EFCAB6: variants seen among roughly 807,000 people sequenced by gnomAD.
EFCAB6 encodes EF-hand calcium binding domain 6, also known as EF-hand calcium-binding domain-containing protein 6.
In EFCAB6, 156 loss-of-function variants were observed where a neutral mutation model predicts 169.8. That is an observed-to-expected ratio of 0.92 (90% confidence interval 0.81 to 1.05). EFCAB6 has a LOEUF of 1.05. EFCAB6 is among the 50% of genes least tolerant of loss of function. The pLI is 0.00. For missense variants in EFCAB6, 1,800 were observed against 1,829.1 expected (o/e 0.98, Z 0.29); for synonymous variants, 698 against 676.4 (o/e 1.03, Z -0.50).
intron 6 of EFCAB6, among the ~76,000 whole-genome samples, chr22:43,752,363 C>T (rs2060802027): frequency 6.6e-6 from 1 of 152,176 alleles, no homozygotes; most frequent in South Asian, 2.1e-4. Context: ...GGTGATTCGC[C>T]TGCCTCGGCC....
intron 8 of EFCAB6, among the ~76,000 whole-genome samples, chr22:43,718,927 A>G (rs1262809344): frequency 6.6e-6 from 1 of 152,238 alleles, no homozygotes; most frequent in Non-Finnish European, 1.5e-5. Context: ...GCTGTGTCAC[A>G]GAAGCGGGAC....
intron 17 of EFCAB6, among the ~76,000 whole-genome samples, chr22:43,644,533 G>A (rs968867711): frequency 5.9e-5 from 9 of 152,146 alleles, no homozygotes; most frequent in East Asian, 1.9e-4. Context: ...GATCCATAGC[G>A]GATGGGACTG....
At chr22:43,531,259 A>G (rs1261709509) in intron 30 of EFCAB6, among the ~76,000 whole-genome samples, 4 of 152,220 alleles carry the variant, frequency 2.6e-5, no homozygotes, top group Admixed American at 6.5e-5. Flanking sequence ...TTCACAGATT[A>G]GGAAGTGGAG....
intron 12 of EFCAB6, among the ~76,000 whole-genome samples, chr22:43,681,050 G>A (rs2057987543): frequency 6.6e-6 from 1 of 152,210 alleles, no homozygotes; most frequent in East Asian, 1.9e-4. Context: ...GATCTTAGGA[G>A]GAAGGAGTTC....
intron 6 of EFCAB6, 147 bp from the exon 7 acceptor site, chr22:43,736,140 T>C (rs1194045679): frequency 5.3e-6 from 4 of 757,974 alleles, no homozygotes; most frequent in African/African-American, 1.8e-5. Context: ...AAAAATGACA[T>C]GTCTACGGAA....
intron 26 of EFCAB6, among the ~76,000 whole-genome samples, chr22:43,571,771 C>T (rs2049888958): frequency 6.6e-6 from 1 of 152,240 alleles, no homozygotes; most frequent in African/African-American, 2.4e-5. Context: ...CTCTCACCTA[C>T]TCTGTCATTT....
chr22:43,618,400 G>C (rs1328358976), intron 20 of EFCAB6, among the ~76,000 whole-genome samples: 1 of 152,104 alleles, frequency 6.6e-6, no homozygotes, highest in Non-Finnish European at 1.5e-5. Flanking sequence ...TGAGGGTCTT[G>C]AGAGGTGCTT....
intron 8 of EFCAB6, among the ~76,000 whole-genome samples, chr22:43,722,684 A>G (rs192681469): frequency 3.3e-5 from 5 of 152,342 alleles, no homozygotes; most frequent in Non-Finnish European, 1.5e-5. Flanking sequence ...CTACTATTCA[A>G]CGCAGCAATC....
intron 17 of EFCAB6, among the ~76,000 whole-genome samples, chr22:43,658,658 G>C (rs990086603): frequency 1.3e-5 from 2 of 152,182 alleles, no homozygotes; most frequent in Non-Finnish European, 2.9e-5. Context: ...CTCAGGGAAC[G>C]TGCCCTTCGG....
At chr22:43,569,139 A>G (rs2049663611) in intron 26 of EFCAB6, among the ~76,000 whole-genome samples, 2 of 151,882 alleles carry the variant, frequency 1.3e-5, no homozygotes, top group South Asian at 2.1e-4. Flanking sequence ...GGGGACTCAT[A>G]CTCCTTTCTA....
At chr22:43,612,697 G>A (rs2053401680) in intron 21 of EFCAB6, among the ~76,000 whole-genome samples, 1 of 152,054 alleles carries the variant, frequency 6.6e-6, no homozygotes, top group Non-Finnish European at 1.5e-5. Flanking sequence ...TTCGAGACCA[G>A]CCTGGCCAAC....
At chr22:43,724,453 T>C (rs925672046) in intron 8 of EFCAB6, among the ~76,000 whole-genome samples, 2 of 151,102 alleles carry the variant, frequency 1.3e-5, no homozygotes, top group African/African-American at 4.9e-5. Context: ...CTGCAACCTC[T>C]GCCTCCTGGG....
chr22:43,792,909 G>A (rs1239807143), intron 2 of EFCAB6, among the ~76,000 whole-genome samples: 2 of 152,228 alleles, frequency 1.3e-5, no homozygotes, highest in African/African-American at 4.8e-5. Flanking sequence ...GGGACACTCA[G>A]TCTCACGCAT....
intron 26 of EFCAB6, among the ~76,000 whole-genome samples, chr22:43,569,660 G>T (rs2049710387): frequency 6.6e-6 from 1 of 152,324 alleles, no homozygotes; most frequent in Non-Finnish European, 1.5e-5. Flanking sequence ...CTGCACCCTG[G>T]CCTGTCTCCA....
At chr22:43,633,780 C>T (rs939741400) in intron 18 of EFCAB6, among the ~76,000 whole-genome samples, 1 of 152,170 alleles carries the variant, frequency 6.6e-6, no homozygotes, top group Non-Finnish European at 1.5e-5. Flanking sequence ...ATCCTCTGCC[C>T]CTCTTGAGCC....
intron 10 of EFCAB6, among the ~76,000 whole-genome samples, chr22:43,701,974 TAAAC>T (rs750633042): frequency 6.6e-6 from 1 of 152,084 alleles, no homozygotes; most frequent in Non-Finnish European, 1.5e-5. Flanking sequence ...TTTAAAATAT[TAAAC>T]AAAGAGGTGA....
In EFCAB6 at chr22:43,572,009, T is replaced by C. The variant is rs548032844; in HGVS notation, c.3420+4288A>G. ...AGGCCAATTTAGGGGGTTGATCCCA[T>C]TGAATTCCCAGAAAACAGATCGCAC... On this transcript the variant is annotated intron_variant, in intron 26 of 31. Coordinates refer to ENST00000262726, the MANE Select transcript of EFCAB6 (RefSeq NM_022785.4). The surrounding 1 kb of genome is among the most constrained non-coding windows in gnomAD (Gnocchi z 4.0). Among the ~76,000 whole-genome samples the C allele has an allele frequency of 6.6e-6, 1 of 152,310 alleles. No individual in the cohort carries two copies. The highest frequency in any genetic ancestry group is 6.5e-5 in the Admixed American group (1 of 15,298).
chr22:43,806,209 G>C (rs2062916939), intron 2 of EFCAB6, among the ~76,000 whole-genome samples: 1 of 137,136 alleles, frequency 7.3e-6, no homozygotes, highest in South Asian at 2.5e-4. Flanking sequence ...GAGGGGAGGG[G>C]AAGGGAAAAA....
At chr22:43,776,723 G>A (rs1452639098) in intron 3 of EFCAB6, among the ~76,000 whole-genome samples, 1 of 152,208 alleles carries the variant, frequency 6.6e-6, no homozygotes, top group Non-Finnish European at 1.5e-5. Flanking sequence ...CACATAGCAG[G>A]TAGGATGGAG....
Sources: allele counts gnomAD v4.1 joint callset (sites outside exome capture counted in the v4.1 genomes callset), GRCh38; gene constraint gnomAD v4.1.1; non-coding constraint Gnocchi (gnomAD v3.1); transcripts MANE v1.5; gene names NCBI Gene and HGNC (gene_info 2026-07-23, HGNC 2026-07-21).